The following GPHN variants were observed in gnomAD, a reference collection of about 807,000 sequenced individuals.
GPHN encodes gephyrin.
GPHN carries 17 observed loss-of-function variants against 95.5 expected under a neutral mutation model. The observed-to-expected ratio is 0.18, with a 90% CI of 0.12 to 0.27. The LOEUF (loss-of-function observed/expected upper bound fraction) is 0.27. GPHN is among the 10% of genes least tolerant of loss of function. GPHN has a pLI of 1.00. For missense variants in GPHN, 660 were observed against 978.1 expected (o/e 0.67, Z 4.34); for synonymous variants, 320 against 322.5 (o/e 0.99, Z 0.08).
rs191711620 is a variant in GPHN, at chr14:67,150,676, G to T, written c.1836+7227G>T. ...AAATAAGAGAAAGAACATGGCTGAG[G>T]TTTTTTTATTATTGTTATTTAAGTT... On this transcript the variant is annotated intron_variant, in intron 18 of 22. Transcript: ENST00000478722. Among the ~76,000 whole-genome samples the T allele has an allele frequency of 2.6e-5, 4 of 151,928 alleles. No homozygotes were observed. The East Asian group carries it at 7.7e-4, about 29-fold the overall frequency.
chr14:67,317,165 AAG>A, the GPHN span, among the ~76,000 whole-genome samples: 1 of 152,228 alleles, frequency 6.6e-6, no homozygotes, highest in African/African-American at 2.4e-5. Flanking sequence ...GTATTTATAA[AAG>A]TAAATTAAAA....
chr14:66,526,001 G>GT (rs566457048), intron 1 of GPHN, among the ~76,000 whole-genome samples: 7,521 of 144,528 alleles, frequency 0.052, 250 homozygotes, highest in Middle Eastern at 0.094. Flanking sequence ...ATTTAAAGTA[G>GT]TTTTTTTTTT....
At chr14:67,680,448 C>T in the GPHN span, among the ~76,000 whole-genome samples, 35 of 152,258 alleles carry the variant, frequency 2.3e-4, no homozygotes, top group Admixed American at 9.8e-4. Flanking sequence ...AAAAACTAAT[C>T]AAATACTACA....
the GPHN span, chr14:67,471,771 A>ACCCT: frequency 6.6e-6 from 1 of 152,056 alleles, no homozygotes; most frequent in Non-Finnish European, 1.5e-5. Context: ...ACCCCACCAC[A>ACCCT]CCCTGCACAG....
At chr14:67,325,983 T>C in the GPHN span, among the ~76,000 whole-genome samples, 56 of 144,846 alleles carry the variant, frequency 3.9e-4, no homozygotes, top group Non-Finnish European at 6.3e-4. Flanking sequence ...TCTTTTCTTT[T>C]TTTTTTTTTT....
At chr14:66,930,286 T>A (rs2066715226) in intron 8 of GPHN, among the ~76,000 whole-genome samples, 1 of 152,128 alleles carries the variant, frequency 6.6e-6, no homozygotes, top group South Asian at 2.1e-4. Flanking sequence ...TTTTAATTTC[T>A]TACTTTATAT....
chr14:66,807,961 C>G (rs924354393), intron 3 of GPHN, among the ~76,000 whole-genome samples: 1 of 152,198 alleles, frequency 6.6e-6, no homozygotes, highest in Non-Finnish European at 1.5e-5. Context: ...ATGCTAGAAT[C>G]TGCCTTTCTC....
chr14:67,423,393 G>A, the GPHN span, among the ~76,000 whole-genome samples: 1 of 152,138 alleles, frequency 6.6e-6, no homozygotes, highest in Non-Finnish European at 1.5e-5. Flanking sequence ...AACAGAAACT[G>A]TATTTTAGGA....
At chr14:67,585,793 G>A in the GPHN span, 1 of 1,012,292 alleles carries the variant, frequency 9.9e-7, no homozygotes, top group Non-Finnish European at 1.5e-6. Context: ...CAGTCCTCTA[G>A]TCTAGACACT....
chr14:66,664,737 C>A (rs182873219), intron 1 of GPHN, among the ~76,000 whole-genome samples: 20 of 151,234 alleles, frequency 1.3e-4, no homozygotes, highest in Non-Finnish European at 2.5e-4. Context: ...ACTAGATAGA[C>A]TCATGAAGAG....
At position 66,915,105 on chromosome 14, in the gene GPHN, G is replaced by A. The variant is rs187678135; in HGVS notation, c.390-898G>A. 1.2e-3 allele frequency among the ~76,000 whole-genome samples: 181 copies of A among 152,200 alleles called. 2 individuals carry two copies. Among genetic ancestry groups the A allele is most frequent in the Non-Finnish European group, 9.4e-4 (64 of 68,010 alleles). The stretch of plus-strand genomic sequence containing the variant: ...GGCAATCTTCTCTTTCAGATTGTAA[G>A]TAGGACAAGAAGAAAAAGTAATAAA... On this transcript the variant is annotated intron_variant, in intron 5 of 22. Coordinates refer to ENST00000478722, the MANE Select transcript of GPHN (RefSeq NM_020806.5).
chr14:67,675,817 G>C, the GPHN span, among the ~76,000 whole-genome samples: 1 of 151,504 alleles, frequency 6.6e-6, no homozygotes. Flanking sequence ...CTGTCTTCAC[G>C]TCGGGCATGG....
At chr14:66,629,196 TATAA>T (rs1458191285) in intron 1 of GPHN, among the ~76,000 whole-genome samples, 30 of 143,462 alleles carry the variant, frequency 2.1e-4, no homozygotes, top group Non-Finnish European at 1.2e-4. Context: ...TAAATATGTA[TATAA>T]ATATATATTT....
chr14:67,494,026 T>C, the GPHN span, among the ~76,000 whole-genome samples: 1 of 152,054 alleles, frequency 6.6e-6, no homozygotes, highest in African/African-American at 2.4e-5. Context: ...AAGACCACCA[T>C]GCACTCAGCT....
At chr14:66,673,179 G>A (rs759595205) in intron 1 of GPHN, among the ~76,000 whole-genome samples, 3 of 152,014 alleles carry the variant, frequency 2.0e-5, no homozygotes, top group East Asian at 1.9e-4. Flanking sequence ...TGCAACCTCC[G>A]CCTCCTGGGT....
chr14:67,226,210 G>C, the GPHN span, among the ~76,000 whole-genome samples: 3 of 151,694 alleles, frequency 2.0e-5, no homozygotes, highest in Admixed American at 6.6e-5. Flanking sequence ...TTATTTTTTT[G>C]AGACTGAATC....
At chr14:67,136,566 G>C (rs1169731177) in intron 17 of GPHN, among the ~76,000 whole-genome samples, 1 of 152,136 alleles carries the variant, frequency 6.6e-6, no homozygotes, top group African/African-American at 2.4e-5. Context: ...GAATGTTAGA[G>C]ATGAAAAAGA....
the GPHN span, among the ~76,000 whole-genome samples, chr14:67,603,243 C>T: frequency 6.6e-6 from 1 of 152,052 alleles, no homozygotes; most frequent in Non-Finnish European, 1.5e-5. Flanking sequence ...CTAATTTTTG[C>T]ATATTTTGTA....
chr14:66,985,061 C>G (rs2070927755), intron 9 of GPHN, among the ~76,000 whole-genome samples: 1 of 152,088 alleles, frequency 6.6e-6, no homozygotes, highest in South Asian at 2.1e-4. Flanking sequence ...GAAAATTCAG[C>G]TAAAATAACT....
Sources: allele counts gnomAD v4.1 joint callset (sites outside exome capture counted in the v4.1 genomes callset), GRCh38; gene constraint gnomAD v4.1.1; transcripts MANE v1.5; gene names NCBI Gene and HGNC (gene_info 2026-07-23, HGNC 2026-07-21).